Variants in TMEM97 observed in about 807,000 individuals in gnomAD.
TMEM97 encodes the protein transmembrane protein 97, also known as sigma intracellular receptor 2.
In TMEM97, 13 loss-of-function variants were observed where a neutral mutation model predicts 18.3. That is an observed-to-expected ratio of 0.71 (90% CI 0.46 to 1.13). The LOEUF (loss-of-function observed/expected upper bound fraction) is 1.13. Among genes scored for constraint, TMEM97 ranks in the 50% most tolerant of loss-of-function variants. TMEM97 has a pLI of 0.00. For missense variants in TMEM97, 205 were observed against 210.5 expected (o/e 0.97, Z 0.16); for synonymous variants, 76 against 85.3 (o/e 0.89, Z 0.60).
At position 28,326,523 on chromosome 17, in the gene TMEM97, G is replaced by GACT; in HGVS notation, c.272-8_272-6dup. 6.2e-7 allele frequency: 1 copy of GACT among 1,610,624 alleles called. No individual in the cohort carries two copies. Among genetic ancestry groups the GACT allele is most frequent in the South Asian group, 1.1e-5 (1 of 90,850 alleles). ...GACCTAACCATTTTTCTTTTCCCCT[G>GACT]ACTACCTCAGGAAGCTGCAAGTGGA... On this transcript the variant is annotated splice_polypyrimidine_tract_variant and intron_variant, in intron 2 of 2. Transcript: ENST00000226230.
In TMEM97 at chr17:28,327,070, A is replaced by G. The variant is rs1471155199; in HGVS notation, c.*277A>G. The G allele has an allele frequency of 2.2e-5, 9 of 409,436 alleles. No individual in the cohort carries two copies. In the East Asian group the frequency reaches 3.3e-4, roughly 15 times the overall value. 25.4% of individuals were successfully genotyped at this position (409,436 alleles called of 1,614,324 possible). A position where few individuals can be genotyped will look rare whatever the true frequency, so the allele number is the denominator to read the frequency against. On this transcript the variant is annotated 3_prime_UTR_variant, in exon 3 of 3. Coordinates refer to ENST00000226230, the MANE Select transcript of TMEM97 (RefSeq NM_014573.3). ...AACCTCCGCCTCCTGGGCTCAAGCC[A>G]TCTTCCTTAGCCTCCCAAGTAGCTA...
At position 28,325,542 on chromosome 17, in the gene TMEM97, G is replaced by C. The variant is rs782700374; in HGVS notation, c.166G>C (p.Asp56His). The stretch of plus-strand genomic sequence containing the variant: ...GAAGTGGTATGCTAAGGAGTTCAAA[G>C]ACCCACTGCTACAGGAGCCCCCAGC... ...LLKWYAKEFK[D>H]PLLQEPPAWF... is the part of the protein sequence containing the mutation. The change falls in exon 2 of 3, where the codon GAC (aspartate) becomes CAC (histidine). Residue 56 changes from aspartate to histidine, a missense_variant. Physicochemically the swap from Asp to His is moderately conservative, Grantham distance 81. Coordinates refer to ENST00000226230, the MANE Select transcript of TMEM97 (RefSeq NM_014573.3). The C allele has an allele frequency of 6.2e-6, 10 of 1,614,210 alleles. No homozygotes were observed. The highest frequency in any genetic ancestry group is 8.5e-6 in the Non-Finnish European group (10 of 1,180,044).
chr17:28,319,858 C>G (rs1333110499), intron 1 of TMEM97, among the ~76,000 whole-genome samples: 2 of 152,162 alleles, frequency 1.3e-5, no homozygotes, highest in East Asian at 3.8e-4. Context: ...GTCACTGCTT[C>G]GAGATCAGGT....
chr17:28,325,952 TTC>T (rs1325413514), intron 2 of TMEM97: 2 of 394,518 alleles, frequency 5.1e-6, no homozygotes, highest in Admixed American at 4.2e-5. Flanking sequence ...CAGAATTAAT[TTC>T]TCTTTTTGTT....
At chr17:28,325,728 A>G in intron 2 of TMEM97, 81 bp downstream of exon 2, 1 of 1,576,200 alleles carries the variant, frequency 6.3e-7, no homozygotes, top group East Asian at 2.2e-5. Flanking sequence ...TCCAAAGGGA[A>G]GGGGATGGTC....
intron 1 of TMEM97, among the ~76,000 whole-genome samples, chr17:28,322,745 G>A (rs1906193916): frequency 6.6e-6 from 1 of 152,186 alleles, no homozygotes; most frequent in African/African-American, 2.4e-5. Flanking sequence ...CAAGATTGGT[G>A]AGTAGCAACC....
At chr17:28,326,472 T>C in intron 2 of TMEM97, 62 bp from the exon 3 acceptor site, 2 of 1,557,032 alleles carry the variant, frequency 1.3e-6, no homozygotes, top group Non-Finnish European at 1.7e-6. Context: ...AGTGGGAAGG[T>C]CATGGACACC....
At chr17:28,325,417 C>T in intron 1 of TMEM97, 86 bp from the exon 2 acceptor site, 1 of 1,529,960 alleles carries the variant, frequency 6.5e-7, no homozygotes, top group Non-Finnish European at 8.8e-7. Context: ...TAATGACAGG[C>T]TCCTCCAGTG....
intron 1 of TMEM97, among the ~76,000 whole-genome samples, chr17:28,320,325 T>C (rs1052183052): frequency 1.3e-5 from 2 of 152,192 alleles, no homozygotes; most frequent in African/African-American, 4.8e-5. Flanking sequence ...GAATATAGCT[T>C]CCATCGACTT....
chr17:28,326,964 ATTTTT>A lies in TMEM97; in HGVS notation c.*183_*187del. ...CCATGTCAAACCCTCACCTTCTTCC[ATTTTT>A]TTTTTTTTTTTAAGACAGTCTCACT... On this transcript the variant is annotated 3_prime_UTR_variant, in exon 3 of 3. Coordinates refer to ENST00000226230, the MANE Select transcript of TMEM97 (RefSeq NM_014573.3). The A allele has an allele frequency of 3.2e-6, 2 of 619,510 alleles. No homozygotes were observed. Among genetic ancestry groups the A allele is most frequent in the African/African-American group, 2.0e-5 (1 of 50,572 alleles). The allele number at this position is 619,510 out of a possible 1,614,324, so 38.4% of individuals were successfully genotyped here. A position where few individuals can be genotyped will look rare whatever the true frequency, so the allele number is the denominator to read the frequency against.
Position 28,325,651 on chromosome 17 carries a change from GGTAAAT to G in TMEM97, c.271+6_271+11del. 6.2e-7 allele frequency: 1 copy of G among 1,613,536 alleles called. No individual in the cohort carries two copies. Among genetic ancestry groups the G allele is most frequent in the Non-Finnish European group, 8.5e-7 (1 of 1,179,860 alleles). Reference sequence around the variant, plus strand: ...GCAACGTATGCCTTCCTCAAAGGTTGGTAAATGGTGGGAAAATCCCATTTTTACTCA... The same window carrying G: ...GCAACGTATGCCTTCCTCAAAGGTTGGGTGGGAAAATCCCATTTTTACTCA... On this transcript the variant is annotated splice_donor_5th_base_variant and intron_variant, in intron 2 of 2. Coordinates refer to ENST00000226230, the MANE Select transcript of TMEM97 (RefSeq NM_014573.3).
chr17:28,320,460 A>C (rs1906100471), intron 1 of TMEM97, among the ~76,000 whole-genome samples: 1 of 152,150 alleles, frequency 6.6e-6, no homozygotes, highest in East Asian at 1.9e-4. Context: ...CTCCTTTTGC[A>C]TGGGAAAAGC....
chr17:28,325,890 A>G, intron 2 of TMEM97: 1 of 544,194 alleles, frequency 1.8e-6, no homozygotes, highest in Non-Finnish European at 3.2e-6. Context: ...ATACACATGA[A>G]GCCTGAGACC....
At chr17:28,326,368 T>G (rs112338883) in intron 2 of TMEM97, among the ~76,000 whole-genome samples, 166 bp from the exon 3 acceptor site, 2 of 152,220 alleles carry the variant, frequency 1.3e-5, no homozygotes, top group African/African-American at 4.8e-5. Flanking sequence ...AGCTGTCACG[T>G]AAGTCTGCAT....
In TMEM97 at chr17:28,327,895, C is replaced by G. The variant is rs1906431446; in HGVS notation, c.*1102C>G. Reference sequence around the variant, plus strand: ...GTATCTGAAGTCTAGCATCTCAAGGCTGATCTGGAAGTGTGCTAGTATGCT... The same window carrying G: ...GTATCTGAAGTCTAGCATCTCAAGGGTGATCTGGAAGTGTGCTAGTATGCT... On this transcript the variant is annotated 3_prime_UTR_variant, in exon 3 of 3. Coordinates refer to ENST00000226230, the MANE Select transcript of TMEM97 (RefSeq NM_014573.3). 1 of 152,258 alleles carries G rather than the reference C, an allele frequency of 6.6e-6. No individual in the cohort carries two copies. The highest frequency in any genetic ancestry group is 2.1e-4 in the South Asian group (1 of 4,834). 9.4% of individuals were successfully genotyped at this position (152,258 alleles called of 1,614,324 possible). A position where few individuals can be genotyped will look rare whatever the true frequency, so the allele number is the denominator to read the frequency against.
chr17:28,319,541 T>G (rs1343904654), intron 1 of TMEM97, 176 bp downstream of exon 1: 20 of 750,880 alleles, frequency 2.7e-5, no homozygotes, highest in Non-Finnish European at 3.9e-5. Flanking sequence ...GGGCTTTGTC[T>G]CTATCCCAGC....
In TMEM97 at chr17:28,328,673, G is replaced by A; in HGVS notation, c.*1880G>A. ...CAGTTCATTTCTGAAAAATAAATTG[G>A]TCAATAAATTCATTTTGTTCTGCTT... On this transcript the variant is annotated 3_prime_UTR_variant, in exon 3 of 3. Coordinates refer to ENST00000226230, the MANE Select transcript of TMEM97 (RefSeq NM_014573.3). The A allele has an allele frequency of 1.2e-6, 2 of 1,603,620 alleles. No individual in the cohort carries two copies. The highest frequency in any genetic ancestry group is 1.7e-6 in the Non-Finnish European group (2 of 1,175,492).
rs1906443141 is a variant in TMEM97 at position 28,328,073 on chromosome 17, T to A, written c.*1280T>A. 6.5e-6 allele frequency: 1 copy of A among 153,090 alleles called. No homozygotes were observed. The highest frequency in any genetic ancestry group is 2.4e-5 in the African/African-American group (1 of 41,462). The allele number at this position is 153,090 out of a possible 1,614,324, so 9.5% of individuals were successfully genotyped here. On this transcript the variant is annotated 3_prime_UTR_variant, in exon 3 of 3. Transcript: ENST00000226230. ...TGGCATTCCATCAGCTTTCTCTAAG[T>A]CTTTGCTCAAGTTCAACCTTAAAAT...
Position 28,326,520 on chromosome 17 carries a change from C to A in TMEM97, c.272-14C>A. ...ACAGACCTAACCATTTTTCTTTTCC[C>A]CTGACTACCTCAGGAAGCTGCAAGT... On this transcript the variant is annotated splice_polypyrimidine_tract_variant and intron_variant, in intron 2 of 2. Coordinates refer to ENST00000226230, the MANE Select transcript of TMEM97 (RefSeq NM_014573.3). 1 of 1,608,924 alleles carries A rather than the reference C, an allele frequency of 6.2e-7. No homozygotes were observed. Among genetic ancestry groups the A allele is most frequent in the South Asian group, 1.1e-5 (1 of 90,684 alleles).
Sources: allele counts gnomAD v4.1 joint callset (sites outside exome capture counted in the v4.1 genomes callset), GRCh38; gene constraint gnomAD v4.1.1; transcripts MANE v1.5; gene names NCBI Gene and HGNC (gene_info 2026-07-23, HGNC 2026-07-21).